CYP19A1: variants seen among roughly 807,000 people sequenced by gnomAD.
CYP19A1 encodes cytochrome P450 family 19 subfamily A member 1.
A neutral mutation model predicts 44.4 loss-of-function variants in CYP19A1; 32 were observed. The ratio of observed to expected loss-of-function variants is 0.72; its 90% confidence interval spans 0.54 to 0.97. The LOEUF is 0.97. CYP19A1 is among the 50% of genes least tolerant of loss of function. The pLI, the probability that CYP19A1 is intolerant of heterozygous loss-of-function variation, is 0.00. For missense variants in CYP19A1, 598 were observed against 637.8 expected (o/e 0.94, Z 0.67); for synonymous variants, 212 against 215.6 (o/e 0.98, Z 0.14).
At chr15:51,277,951 TGA>T (rs1193708640) in intron 1 of CYP19A1, 10 of 142,086 alleles carry the variant, frequency 7.0e-5, no homozygotes, top group African/African-American at 2.3e-4. Flanking sequence ...AATAGTTGCA[TGA>T]GTTTTTTTTT....
At position 51,236,989 on chromosome 15, in the gene CYP19A1, T is replaced by C; in HGVS notation, c.166A>G (p.Ile56Val). Reference sequence around the variant, plus strand: ...CTGCCGTGGGAGATGAGGGGTCCAATTCCCATGCAGTAGCCAGGACCTAGG... The same window carrying C: ...CTGCCGTGGGAGATGAGGGGTCCAACTCCCATGCAGTAGCCAGGACCTAGG... ...SIPGPGYCMG[I>V]GPLISHGRFL... Residue 56 changes from isoleucine (I) to valine (V), a missense_variant, in exon 3 of 10, where the codon ATT becomes GTT. By Grantham distance (29) the Ile-to-Val change is conservative (BLOSUM62 3). Transcript: ENST00000396402. 1 of 1,614,154 alleles carries C rather than the reference T, an allele frequency of 6.2e-7. No homozygotes were observed. The highest frequency in any genetic ancestry group is 8.5e-7 in the Non-Finnish European group (1 of 1,180,010).
At chr15:51,234,658 C>G (rs147573563) in intron 3 of CYP19A1, among the ~76,000 whole-genome samples, 171 of 152,236 alleles carry the variant, frequency 1.1e-3, no homozygotes, top group African/African-American at 4.0e-3. Context: ...CAAAACCAGT[C>G]CTGCATCGCT....
Position 51,266,889 on chromosome 15 carries a change from CT to C in CYP19A1, c.-38-23940del, listed in dbSNP as rs2034940373. ...TGGAAGGGAAGGCATTGCCAGTGAG[CT>C]TTACACATTTTACTATGCTCTCCAC... On this transcript the variant is annotated intron_variant, in intron 1 of 9. Transcript: ENST00000396402. Among the ~76,000 whole-genome samples, 3 of 152,172 alleles carry C rather than the reference CT, an allele frequency of 2.0e-5. No individual in the cohort carries two copies. In the South Asian group the frequency reaches 6.2e-4, roughly 32 times the overall value.
At chr15:51,277,024 A>AT (rs1491427979) in intron 1 of CYP19A1, 1 of 151,884 alleles carries the variant, frequency 6.6e-6, no homozygotes, top group Admixed American at 6.6e-5. Context: ...ACAAAAAAAA[A>AT]GAGAGAGAGA....
intron 1 of CYP19A1, among the ~76,000 whole-genome samples, chr15:51,303,599 G>A (rs189136675): frequency 6.1e-4 from 93 of 152,136 alleles, no homozygotes; most frequent in African/African-American, 2.2e-3. Flanking sequence ...GTCCATCTGG[G>A]TTTTGAGGCA....
intron 1 of CYP19A1, chr15:51,277,518 C>A (rs2035356692): frequency 6.6e-6 from 1 of 152,212 alleles, no homozygotes; most frequent in South Asian, 2.1e-4. Context: ...AAGACTATCA[C>A]TTTCTACTGG....
In CYP19A1 at chr15:51,209,350, A is replaced by G. The variant is rs922177588; in HGVS notation, c.*1458T>C. 4 of 152,200 alleles carry G rather than the reference A, an allele frequency of 2.6e-5. No individual in the cohort carries two copies. The highest frequency in any genetic ancestry group is 9.7e-5 in the African/African-American group (4 of 41,442). The allele number at this position is 152,200 out of a possible 1,614,324, so 9.4% of individuals were successfully genotyped here. On this transcript the variant is annotated 3_prime_UTR_variant, in exon 10 of 10. Transcript: ENST00000396402. ...GAAATGGGGATGGAAATAGATTACAAAAGAAAGAAAGTAGCTCCTGCTTTC... is the reference window on the plus strand; with the variant it reads ...GAAATGGGGATGGAAATAGATTACAGAAGAAAGAAAGTAGCTCCTGCTTTC...
In CYP19A1 at chr15:51,311,774, A is replaced by G. The variant is rs141197194; in HGVS notation, c.-39+26721T>C. On this transcript the variant is annotated intron_variant, in intron 1 of 9. Transcript: ENST00000396402. ...GGGGTAAGGGAAGTAGCACATGAAT[A>G]GGAGTCAGACCTCTGGGGATTTTAA... is the stretch of plus-strand genomic sequence containing the variant. 8.7e-4 allele frequency among the ~76,000 whole-genome samples: 132 copies of G among 152,310 alleles called. 1 individual carries two copies. In the East Asian group the frequency reaches 0.024, roughly 27 times the overall value.
chr15:51,245,541 A>G (rs891839984), intron 1 of CYP19A1, among the ~76,000 whole-genome samples: 2 of 152,328 alleles, frequency 1.3e-5, no homozygotes, highest in Admixed American at 1.3e-4. Flanking sequence ...TAAACTAAAG[A>G]GCTTCTGCAC....
intron 1 of CYP19A1, among the ~76,000 whole-genome samples, chr15:51,306,659 A>T (rs905847322): frequency 6.6e-6 from 1 of 152,266 alleles, no homozygotes; most frequent in African/African-American, 2.4e-5. Flanking sequence ...ATAATAGAAT[A>T]TTAAGTACCT....
chr15:51,307,622 C>T (rs902098084), intron 1 of CYP19A1, among the ~76,000 whole-genome samples: 1 of 152,112 alleles, frequency 6.6e-6, no homozygotes, highest in Admixed American at 6.5e-5. Flanking sequence ...AAGTGCTGCT[C>T]GAGCTATGAG....
intron 1 of CYP19A1, among the ~76,000 whole-genome samples, chr15:51,304,985 C>T (rs369259784): frequency 1.1e-4 from 16 of 147,966 alleles, no homozygotes; most frequent in South Asian, 2.2e-4. Flanking sequence ...CTGGAACCTC[C>T]GCCTTCCAGG....
At chr15:51,263,331 C>T (rs1283724863) in intron 1 of CYP19A1, among the ~76,000 whole-genome samples, 4 of 152,134 alleles carry the variant, frequency 2.6e-5, no homozygotes, top group African/African-American at 9.7e-5. Flanking sequence ...GTGACCACGA[C>T]AAGAGCAGTT....
chr15:51,236,063 C>G (rs1252372375), intron 3 of CYP19A1, among the ~76,000 whole-genome samples: 1 of 152,150 alleles, frequency 6.6e-6, no homozygotes, highest in African/African-American at 2.4e-5. Context: ...AACCATAGAG[C>G]TAATTCAATC....
At chr15:51,286,992 A>C (rs2035718193) in intron 1 of CYP19A1, among the ~76,000 whole-genome samples, 1 of 152,104 alleles carries the variant, frequency 6.6e-6, no homozygotes, top group African/African-American at 2.4e-5. Context: ...GGCTGAACCT[A>C]CCCAGCACAT....
intron 2 of CYP19A1, among the ~76,000 whole-genome samples, 184 bp from the exon 3 acceptor site, chr15:51,237,193 A>C (rs963923383): frequency 2.0e-5 from 3 of 152,192 alleles, no homozygotes; most frequent in Non-Finnish European, 2.9e-5. Context: ...GCTTAACATG[A>C]GGCTCTTCAC....
intron 5 of CYP19A1, among the ~76,000 whole-genome samples, 168 bp from the exon 6 acceptor site, chr15:51,218,823 C>A (rs2031820732): frequency 6.6e-6 from 1 of 152,194 alleles, no homozygotes; most frequent in South Asian, 2.1e-4. Flanking sequence ...CACGTGAATA[C>A]CACTAGACAA....
intron 1 of CYP19A1, among the ~76,000 whole-genome samples, chr15:51,307,318 C>T (rs1409394914): frequency 6.6e-6 from 1 of 152,134 alleles, no homozygotes; most frequent in Admixed American, 6.5e-5. Context: ...GGACATGATG[C>T]CACCCTAGAA....
chr15:51,298,104 A>G (rs1381612152), intron 1 of CYP19A1, among the ~76,000 whole-genome samples: 1 of 152,172 alleles, frequency 6.6e-6, no homozygotes, highest in East Asian at 1.9e-4. Context: ...AGAGCAAAGC[A>G]TCAGCTGAAG....
Sources: gnomAD v4.1 joint callset for allele counts (sites outside exome capture counted in the v4.1 genomes callset) on GRCh38, gnomAD v4.1.1 for gene constraint, MANE v1.5 for transcripts, NCBI Gene and HGNC (gene_info 2026-07-23, HGNC 2026-07-21) for gene names.